Variants in RAB6A observed in about 807,000 individuals in gnomAD.
RAB6A encodes ras-related protein Rab-6A.
In RAB6A, 8 loss-of-function variants were observed where a neutral mutation model predicts 32.3. That is an observed-to-expected ratio of 0.25 (90% CI 0.15 to 0.45). The LOEUF is 0.45. Ranked by LOEUF, RAB6A falls within the 20% of genes least tolerant of loss-of-function variation. The probability of loss-of-function intolerance (pLI) is 1.00; values close to 1 mark genes in which losing one functional copy is unlikely to be tolerated. For synonymous variants in RAB6A, 73 were observed against 82.1 expected, an observed-to-expected ratio of 0.89 and a Z score of 0.60; for missense variants, 104 against 249.4, an observed-to-expected ratio of 0.42 and a Z score of 3.93.
intron 3 of RAB6A, among the ~76,000 whole-genome samples, chr11:73,719,817 T>C (rs886319764): frequency 6.6e-5 from 10 of 152,044 alleles, no homozygotes; most frequent in Non-Finnish European, 5.9e-5. Context: ...GGTTTCGCCA[T>C]GTTGGCCAGG....
intron 2 of RAB6A, among the ~76,000 whole-genome samples, chr11:73,723,948 TAA>T (rs1464836296): frequency 6.6e-6 from 1 of 152,198 alleles, no homozygotes; most frequent in Non-Finnish European, 1.5e-5. Flanking sequence ...TTTCAATATA[TAA>T]GATTTTTTTT....
chr11:73,701,336 T>A (rs1235557314), intron 6 of RAB6A, among the ~76,000 whole-genome samples: 1 of 152,130 alleles, frequency 6.6e-6, no homozygotes, highest in Non-Finnish European at 1.5e-5. Context: ...ACAACGGTAA[T>A]AACAGGCATG....
chr11:73,712,572 A>G (rs1945976614), intron 5 of RAB6A, among the ~76,000 whole-genome samples: 1 of 151,902 alleles, frequency 6.6e-6, no homozygotes, highest in African/African-American at 2.4e-5. Flanking sequence ...GCTGGTCTCA[A>G]ACTCCTGACC....
intron 6 of RAB6A, among the ~76,000 whole-genome samples, chr11:73,701,301 C>T (rs1945741658): frequency 6.6e-6 from 1 of 152,124 alleles, no homozygotes; most frequent in Non-Finnish European, 1.5e-5. Flanking sequence ...GTTCTGCTTA[C>T]AAACATACAC....
intron 6 of RAB6A, among the ~76,000 whole-genome samples, chr11:73,700,614 G>T (rs1423455464): frequency 0.011 from 1,248 of 114,084 alleles, 44 homozygotes; most frequent in Non-Finnish European, 0.018. Flanking sequence ...GTGTGTGGGG[G>T]GGGGGGGGGG....
At chr11:73,733,565 A>G (rs1001376170) in intron 1 of RAB6A, among the ~76,000 whole-genome samples, 1 of 139,636 alleles carries the variant, frequency 7.2e-6, no homozygotes, top group Non-Finnish European at 1.6e-5. Flanking sequence ...AAAAAAAAAT[A>G]AATAAATAAA....
intron 1 of RAB6A, among the ~76,000 whole-genome samples, chr11:73,758,544 T>C (rs772282531): frequency 1.3e-5 from 2 of 152,106 alleles, no homozygotes; most frequent in Non-Finnish European, 2.9e-5. Flanking sequence ...GGGAGGGTAG[T>C]AGAGGCTTAA....
chr11:73,748,400 A>G (rs1445961074), intron 1 of RAB6A, among the ~76,000 whole-genome samples: 1 of 152,212 alleles, frequency 6.6e-6, no homozygotes, highest in African/African-American at 2.4e-5. Context: ...TTACAATACG[A>G]CGTGTGGAGT....
intron 2 of RAB6A, among the ~76,000 whole-genome samples, chr11:73,722,058 T>A (rs776642729): frequency 1.2e-4 from 17 of 147,794 alleles, no homozygotes; most frequent in Non-Finnish European, 2.3e-4. Context: ...TCTGCCATGA[T>A]TGTAAGTTTC....
At chr11:73,713,384 C>T (rs985756878) in intron 5 of RAB6A, among the ~76,000 whole-genome samples, 17 of 152,140 alleles carry the variant, frequency 1.1e-4, no homozygotes, top group Admixed American at 1.3e-4. Flanking sequence ...TCCTGGCTAA[C>T]ACGGTGAAAC....
chr11:73,744,263 G>C (rs1389111960), intron 1 of RAB6A, among the ~76,000 whole-genome samples: 2 of 151,204 alleles, frequency 1.3e-5, no homozygotes, highest in East Asian at 3.9e-4. Context: ...GCGTGAACTC[G>C]GGAGGTGGAG....
intron 2 of RAB6A, chr11:73,722,305 G>GTA (rs1204770272): frequency 4.7e-4 from 20 of 42,356 alleles, no homozygotes; most frequent in African/African-American, 1.9e-3. Context: ...ATGTGTGTGT[G>GTA]TATATATATA....
chr11:73,739,276 A>T (rs1282987420), intron 1 of RAB6A, among the ~76,000 whole-genome samples: 26 of 20,710 alleles, frequency 1.3e-3, no homozygotes, highest in Non-Finnish European at 1.9e-3. Flanking sequence ...AAAAAAAAAA[A>T]AAAAAAAAAT....
At chr11:73,701,685 G>C (rs1945748406) in intron 6 of RAB6A, among the ~76,000 whole-genome samples, 1 of 152,088 alleles carries the variant, frequency 6.6e-6, no homozygotes, top group Non-Finnish European at 1.5e-5. Context: ...ACAGGGTCTT[G>C]CTCTATTGCT....
At chr11:73,680,667 G>A (rs577563855) in intron 6 of RAB6A, among the ~76,000 whole-genome samples, 2 of 152,088 alleles carry the variant, frequency 1.3e-5, no homozygotes, top group East Asian at 1.9e-4. Flanking sequence ...GGGTGTGGGG[G>A]GGAGAGTTAG....
chr11:73,685,593 T>TCTTTTTTTTTTTTTTTTTTTTTTTTAA (rs1555054180), intron 6 of RAB6A, among the ~76,000 whole-genome samples: 1 of 146,968 alleles, frequency 6.8e-6, no homozygotes, highest in African/African-American at 2.5e-5. Context: ...GGACTGAAAG[T>TCTTTTTTTTTTTTTTTTTTTTTTTTAA]AGCGACCAGG....
Position 73,695,527 on chromosome 11 carries a change from G to A in RAB6A, c.495+11893C>T, listed in dbSNP as rs545103603. 1.3e-4 allele frequency among the ~76,000 whole-genome samples: 20 copies of A among 152,182 alleles called. No individual in the cohort carries two copies. The South Asian group carries it at 1.9e-3, about 14-fold the overall frequency. ...CCTGAGTAGCTGGGATTACAGGCGCGTGACACCATGTCTGGCTAATTTTTT... is the reference window on the plus strand; with the variant it reads ...CCTGAGTAGCTGGGATTACAGGCGCATGACACCATGTCTGGCTAATTTTTT... On this transcript the variant is annotated intron_variant, in intron 6 of 7. Transcript: ENST00000336083.
Position 73,717,642 on chromosome 11 carries a change from T to G in RAB6A, c.289+971A>C, listed in dbSNP as rs556656262. ...CATTTTTAGTAGAGATGGAGTTTCA[T>G]CACGTTGGTCAGGCTGGTCTCAAAC... is the stretch of plus-strand genomic sequence containing the variant. On this transcript the variant is annotated intron_variant, in intron 4 of 7. Coordinates refer to ENST00000336083, the MANE Select transcript of RAB6A (RefSeq NM_198896.2). 7.2e-5 allele frequency among the ~76,000 whole-genome samples: 11 copies of G among 152,146 alleles called. 1 individual carries two copies. Among genetic ancestry groups the G allele is most frequent in the Admixed American group, 3.3e-4 (5 of 15,256 alleles).
intron 1 of RAB6A, among the ~76,000 whole-genome samples, chr11:73,747,806 T>C (rs993884551): frequency 1.3e-5 from 2 of 152,224 alleles, no homozygotes; most frequent in African/African-American, 4.8e-5. Flanking sequence ...ATTTGTCTGA[T>C]GTTTTCTCAC....
Sources: gnomAD v4.1 joint callset for allele counts (sites outside exome capture counted in the v4.1 genomes callset) on GRCh38, gnomAD v4.1.1 for gene constraint, MANE v1.5 for transcripts, NCBI Gene and HGNC (gene_info 2026-07-23, HGNC 2026-07-21) for gene names.